Variants in TMCC1 observed in about 807,000 individuals in gnomAD.
TMCC1 encodes transmembrane and coiled-coil domain family 1, also known as transmembrane and coiled-coil domains protein 1.
A neutral mutation model predicts 52.4 loss-of-function variants in TMCC1; 15 were observed. The observed-to-expected ratio is 0.29, with a 90% CI of 0.19 to 0.44. The LOEUF is 0.44. Among genes scored for constraint, TMCC1 ranks in the 20% least tolerant of loss-of-function variants. The pLI is 1.00. For synonymous variants in TMCC1, 279 were observed against 301.9 expected (o/e 0.92, Z 0.79); for missense variants, 503 against 806.0 (o/e 0.62, Z 4.55).
In TMCC1 at chr3:129,651,942, G is replaced by C. The variant is rs537048048; in HGVS notation, c.1648-147C>G. On this transcript the variant is annotated intron_variant, in intron 6 of 6. Coordinates refer to ENST00000393238, the MANE Select transcript of TMCC1 (RefSeq NM_001017395.5). The surrounding 1 kb of genome is among the most constrained non-coding windows in gnomAD (Gnocchi z 5.1). ...AGCCTTGAATGAATGTAAAAGGCTA[G>C]ATGTATAACTCACTATTCAAGTGAT... 4 of 922,640 alleles carry C rather than the reference G, an allele frequency of 4.3e-6. No individual in the cohort carries two copies. Among genetic ancestry groups the C allele is most frequent in the Middle Eastern group, 3.5e-4 (1 of 2,892 alleles). 57.2% of individuals were successfully genotyped at this position (922,640 alleles called of 1,614,324 possible).
chr3:129,890,798 C>A (rs2061931995), intron 1 of TMCC1, among the ~76,000 whole-genome samples: 1 of 152,156 alleles, frequency 6.6e-6, no homozygotes, highest in Non-Finnish European at 1.5e-5. Context: ...ACTTTTTGAG[C>A]AATTTATGGA....
chr3:129,766,139 T>C (rs1326380868), intron 4 of TMCC1, among the ~76,000 whole-genome samples: 1 of 152,158 alleles, frequency 6.6e-6, no homozygotes, highest in Non-Finnish European at 1.5e-5. Flanking sequence ...AAGAAGGCAA[T>C]GCAATAATCC....
Position 129,782,781 on chromosome 3 carries a change from C to T in TMCC1, c.576+45022G>A, listed in dbSNP as rs529969727. 4.6e-5 allele frequency among the ~76,000 whole-genome samples: 7 copies of T among 152,148 alleles called. No homozygotes were observed. The East Asian group carries it at 5.8e-4, about 13-fold the overall frequency. ...TACCATTTGATTACCGTATGAACTG[C>T]GGTGTGTTATTTCCTTTTTTGTTTT... On this transcript the variant is annotated intron_variant, in intron 4 of 6. Coordinates refer to ENST00000393238, the MANE Select transcript of TMCC1 (RefSeq NM_001017395.5).
At chr3:129,879,921 C>A (rs2061386499) in intron 2 of TMCC1, among the ~76,000 whole-genome samples, 1 of 152,132 alleles carries the variant, frequency 6.6e-6, no homozygotes. Flanking sequence ...CACCTGTAAT[C>A]CCAGCACTTT....
At chr3:129,838,285 G>A (rs1388168362) in intron 2 of TMCC1, among the ~76,000 whole-genome samples, 2 of 151,966 alleles carry the variant, frequency 1.3e-5, no homozygotes, top group Non-Finnish European at 2.9e-5. Context: ...ACATGCCTGT[G>A]GTCCCAGCTA....
At chr3:129,702,512 AC>A (rs1387290448) in intron 4 of TMCC1, among the ~76,000 whole-genome samples, 1 of 152,118 alleles carries the variant, frequency 6.6e-6, no homozygotes, top group Non-Finnish European at 1.5e-5. Flanking sequence ...ATATAGGTAA[AC>A]CATGTTGCTT....
chr3:129,790,780 C>A (rs2056397563), intron 4 of TMCC1, among the ~76,000 whole-genome samples: 1 of 152,148 alleles, frequency 6.6e-6, no homozygotes, highest in Admixed American at 6.5e-5. Flanking sequence ...TTTAAAGTTT[C>A]ACAACTGCAT....
chr3:129,663,455 T>G (rs988911284), intron 5 of TMCC1, among the ~76,000 whole-genome samples: 1 of 152,002 alleles, frequency 6.6e-6, no homozygotes, highest in Non-Finnish European at 1.5e-5. Context: ...AGAGACACAG[T>G]TGGGGTAGGG....
intron 4 of TMCC1, among the ~76,000 whole-genome samples, chr3:129,801,445 C>A (rs776425800): frequency 1.3e-5 from 2 of 151,974 alleles, no homozygotes; most frequent in African/African-American, 2.4e-5. Context: ...CAATACACGC[C>A]TGTTTTTGTT....
chr3:129,680,882 A>T (rs2088911812), intron 4 of TMCC1, among the ~76,000 whole-genome samples: 1 of 151,584 alleles, frequency 6.6e-6, no homozygotes, highest in Non-Finnish European at 1.5e-5. Flanking sequence ...CCTGGGTGAT[A>T]GAGCAAGACT....
rs2057868803 is a variant in TMCC1 at position 129,812,386 on chromosome 3, T to C, written c.576+15417A>G. ...CCAATGAGAAAAAAACAGGGCATTA[T>C]GTAAAAGAGGAAAGAAGAACACCAC... is the stretch of plus-strand genomic sequence containing the variant. On this transcript the variant is annotated intron_variant, in intron 4 of 6. Transcript: ENST00000393238. Among the ~76,000 whole-genome samples, 7 of 136,698 alleles carry C rather than the reference T, an allele frequency of 5.1e-5. No individual in the cohort carries two copies. The South Asian group carries it at 1.7e-3, about 33-fold the overall frequency. 89.7% of individuals were successfully genotyped at this position (136,698 alleles called of 152,430 possible).
intron 2 of TMCC1, among the ~76,000 whole-genome samples, chr3:129,834,785 C>A (rs992809265): frequency 1.3e-5 from 2 of 152,126 alleles, no homozygotes; most frequent in Admixed American, 6.6e-5. Context: ...CATACCATTG[C>A]GACAGATGCT....
In TMCC1 at chr3:129,655,121, G is replaced by C. The variant is rs1432718546; in HGVS notation, c.1512-18C>G. The C allele has an allele frequency of 1.9e-6, 3 of 1,601,576 alleles. No homozygotes were observed. The South Asian group carries it at 3.3e-5, about 18-fold the overall frequency. On this transcript the variant is annotated intron_variant, in intron 5 of 6. Coordinates refer to ENST00000393238, the MANE Select transcript of TMCC1 (RefSeq NM_001017395.5). ...GTTCACATCTAAGGAGAAAAAAAAA[G>C]TTTAGAATTTTATGAATTCTGTGAA...
At chr3:129,702,822 C>T (rs1227025350) in intron 4 of TMCC1, among the ~76,000 whole-genome samples, 1 of 152,108 alleles carries the variant, frequency 6.6e-6, no homozygotes, top group Non-Finnish European at 1.5e-5. Flanking sequence ...TCGACACCCG[C>T]CTGGCTAACA....
intron 4 of TMCC1, among the ~76,000 whole-genome samples, chr3:129,813,480 A>G (rs1253412719): frequency 2.0e-5 from 3 of 152,156 alleles, no homozygotes; most frequent in Non-Finnish European, 4.4e-5. Flanking sequence ...ACACAGCAAT[A>G]AAAAAATAAT....
intron 6 of TMCC1, among the ~76,000 whole-genome samples, chr3:129,652,692 C>T (rs1209694142): frequency 6.6e-6 from 1 of 152,224 alleles, no homozygotes; most frequent in East Asian, 1.9e-4. Context: ...ACTCCGTTAA[C>T]TTAGGCATTT....
chr3:129,736,345 A>G (rs1210655183), intron 4 of TMCC1, among the ~76,000 whole-genome samples: 1 of 152,190 alleles, frequency 6.6e-6, no homozygotes, highest in Non-Finnish European at 1.5e-5. Flanking sequence ...CACTCAGGAT[A>G]GTGAAAACTG....
rs536907041 is a variant in TMCC1, at chr3:129,708,654, G to T, written c.577-37390C>A. On this transcript the variant is annotated intron_variant, in intron 4 of 6. Coordinates refer to ENST00000393238, the MANE Select transcript of TMCC1 (RefSeq NM_001017395.5). ...AAGCATGTCAATATTTTTAGCCCAG[G>T]AATTAATGAAGAGGTTGAACTGGAC... is the stretch of plus-strand genomic sequence containing the variant. 2.6e-5 allele frequency among the ~76,000 whole-genome samples: 4 copies of T among 152,302 alleles called. No individual in the cohort carries two copies. The South Asian group carries it at 6.2e-4, about 24-fold the overall frequency.
intron 4 of TMCC1, among the ~76,000 whole-genome samples, chr3:129,700,702 C>T (rs2047756661): frequency 6.6e-6 from 1 of 151,860 alleles, no homozygotes; most frequent in African/African-American, 2.4e-5. Context: ...GTCTCGAACT[C>T]CTGACCTCGT....
Sources: gnomAD v4.1 joint callset for allele counts (sites outside exome capture counted in the v4.1 genomes callset) on GRCh38, gnomAD v4.1.1 for gene constraint, Gnocchi (gnomAD v3.1) non-coding constraint, MANE v1.5 for transcripts, NCBI Gene and HGNC (gene_info 2026-07-23, HGNC 2026-07-21) for gene names.